The following BACH2 variants were observed in gnomAD, a reference collection of about 807,000 sequenced individuals.
The protein encoded by BACH2 is BACH transcriptional regulator 2.
Under a neutral mutation model 61.8 loss-of-function variants are expected in BACH2, and 5 were observed. That is an observed-to-expected ratio of 0.08 (90% CI 0.04 to 0.17). BACH2 has a LOEUF of 0.17. BACH2 is among the 10% of genes least tolerant of loss of function. The pLI is 1.00. For synonymous variants in BACH2, 446 were observed against 440.1 expected (o/e 1.01, Z -0.17); for missense variants, 824 against 1,091.1 (o/e 0.76, Z 3.45).
chr6:90,011,932 A>ATGTATGTG (rs1777741585), intron 5 of BACH2, among the ~76,000 whole-genome samples: 2 of 114,298 alleles, frequency 1.7e-5, no homozygotes, highest in African/African-American at 7.4e-5. Flanking sequence ...AAAAAAAAAT[A>ATGTATGTG]TGTGTGTGTG....
At chr6:90,028,627 T>A (rs1371727614) in intron 5 of BACH2, among the ~76,000 whole-genome samples, 1 of 152,134 alleles carries the variant, frequency 6.6e-6, no homozygotes, top group Non-Finnish European at 1.5e-5. Flanking sequence ...TCATCTGTAA[T>A]CCAGTGGTCA....
intron 3 of BACH2, among the ~76,000 whole-genome samples, chr6:90,248,862 T>C (rs759131618): frequency 7.4e-4 from 112 of 152,208 alleles, no homozygotes; most frequent in Non-Finnish European, 1.2e-3. Context: ...GCTTCACTAC[T>C]ACCCTGTCCC....
chr6:89,994,420 G>A (rs1039241151), intron 6 of BACH2, among the ~76,000 whole-genome samples: 3 of 152,298 alleles, frequency 2.0e-5, no homozygotes, highest in East Asian at 3.9e-4. Flanking sequence ...TTTAAATATG[G>A]GAAAAGGTCT....
chr6:90,016,723 T>C (rs1361797602), intron 5 of BACH2, among the ~76,000 whole-genome samples: 1 of 152,218 alleles, frequency 6.6e-6, no homozygotes, highest in Admixed American at 6.5e-5. Context: ...TAGTGATAAA[T>C]TATTTCAACT....
intron 4 of BACH2, among the ~76,000 whole-genome samples, chr6:90,156,180 T>C (rs1784990092): frequency 6.6e-6 from 1 of 152,052 alleles, no homozygotes; most frequent in South Asian, 2.1e-4. Flanking sequence ...CTGAGGTAGG[T>C]ATCGAGTGGT....
At chr6:90,254,935 G>T (rs1770928833) in intron 2 of BACH2, among the ~76,000 whole-genome samples, 1 of 152,124 alleles carries the variant, frequency 6.6e-6, no homozygotes, top group African/African-American at 2.4e-5. Context: ...ATCTCAGTTT[G>T]CCTCCATTAA....
At chr6:90,028,291 T>A (rs1778741288) in intron 5 of BACH2, among the ~76,000 whole-genome samples, 1 of 152,238 alleles carries the variant, frequency 6.6e-6, no homozygotes. Context: ...CTGATATAGT[T>A]CACTCTCATG....
chr6:90,011,743 A>C, intron 5 of BACH2, among the ~76,000 whole-genome samples: 1 of 152,098 alleles, frequency 6.6e-6, no homozygotes, highest in Non-Finnish European at 1.5e-5. Flanking sequence ...CAACACAGCG[A>C]AACTGCGTCT....
At chr6:90,220,725 G>T (rs1769709355) in intron 3 of BACH2, among the ~76,000 whole-genome samples, 1 of 152,220 alleles carries the variant, frequency 6.6e-6, no homozygotes, top group African/African-American at 2.4e-5. Flanking sequence ...AATGCTGTTT[G>T]AGGTCTCAAA....
chr6:90,031,975 C>T (rs1779007388), intron 5 of BACH2, among the ~76,000 whole-genome samples: 3 of 152,240 alleles, frequency 2.0e-5, no homozygotes, highest in Middle Eastern at 3.4e-3. Context: ...GCTACAGTAA[C>T]CAAAACAGCA....
rs1024455339 is a variant in BACH2 at position 89,988,446 on chromosome 6, T to C, written c.243+20156A>G. Among the ~76,000 whole-genome samples, 3 of 152,290 alleles carry C rather than the reference T, an allele frequency of 2.0e-5. No homozygotes were observed. The East Asian group carries it at 5.8e-4, about 29-fold the overall frequency. ...ATAATAACTGAGCCATCAAAAAAGT[T>C]ATAAATATTGTACACACCCTGCCAT... is the stretch of plus-strand genomic sequence containing the variant. On this transcript the variant is annotated intron_variant, in intron 6 of 8. Coordinates refer to ENST00000257749, the MANE Select transcript of BACH2 (RefSeq NM_021813.4).
At position 90,150,817 on chromosome 6, in the gene BACH2, T is replaced by C. The variant is rs184760247; in HGVS notation, c.-162+55752A>G. On this transcript the variant is annotated intron_variant, in intron 4 of 8. Transcript: ENST00000257749. ...GGCTGGGAGTAGCCCTTGGGAAGCA[T>C]AGCCTTGGTGCCAAAACAGTGGTGG... Among the ~76,000 whole-genome samples the C allele has an allele frequency of 3.6e-4, 55 of 152,180 alleles. No individual in the cohort carries two copies. In the East Asian group the frequency reaches 8.5e-3, roughly 23 times the overall value.
chr6:90,024,758 C>T (rs991857668), intron 5 of BACH2, among the ~76,000 whole-genome samples: 56 of 152,188 alleles, frequency 3.7e-4, no homozygotes, highest in Admixed American at 1.1e-3. Flanking sequence ...GAGGGGAAGA[C>T]CCATCCAATA....
intron 4 of BACH2, among the ~76,000 whole-genome samples, chr6:90,165,541 G>A (rs947741590): frequency 3.7e-4 from 56 of 152,120 alleles, no homozygotes; most frequent in African/African-American, 1.3e-3. Context: ...TTTCTTCACA[G>A]AATTGGAAAA....
chr6:90,073,945 A>C (rs552193564), intron 5 of BACH2, among the ~76,000 whole-genome samples: 1 of 152,294 alleles, frequency 6.6e-6, no homozygotes, highest in South Asian at 2.1e-4. Flanking sequence ...GAAAAAAGGG[A>C]CTTGACAAAA....
At chr6:90,272,621 T>C (rs1312624340) in intron 1 of BACH2, among the ~76,000 whole-genome samples, 3 of 152,238 alleles carry the variant, frequency 2.0e-5, no homozygotes, top group Non-Finnish European at 2.9e-5. Flanking sequence ...ATTTCTGCAA[T>C]AGCAGAATTA....
At chr6:90,184,178 T>C (rs1335267112) in intron 4 of BACH2, among the ~76,000 whole-genome samples, 1 of 152,162 alleles carries the variant, frequency 6.6e-6, no homozygotes, top group Non-Finnish European at 1.5e-5. Context: ...AATGATATCA[T>C]TTAAAAAAGT....
rs748264018 is a variant in BACH2, at chr6:89,951,302, C to G, written c.804G>C (p.Pro268=). 1 of 1,614,202 alleles carries G rather than the reference C, an allele frequency of 6.2e-7. No individual in the cohort carries two copies. ...TTTTAATCTGCCCCCTGGCAAGCCC[C>G]GGCTTGAGGCTGTTGCTAGAGTTAT... ...REDNSSNSLK[P]GLARGQIKSE... The change falls in exon 7 of 9, where the codon CCG becomes CCC. Residue 268 remains proline, a synonymous_variant. Coordinates refer to ENST00000257749, the MANE Select transcript of BACH2 (RefSeq NM_021813.4). This position sits in a 1 kb window ranked among gnomAD's most constrained non-coding sequence, Gnocchi z 6.4.
intron 5 of BACH2, among the ~76,000 whole-genome samples, chr6:90,015,381 T>C (rs978979992): frequency 1.3e-5 from 2 of 152,182 alleles, no homozygotes; most frequent in Non-Finnish European, 1.5e-5. Flanking sequence ...CCCACTAATC[T>C]GAGATCTTTT....
Sources: gnomAD v4.1 joint callset for allele counts (sites outside exome capture counted in the v4.1 genomes callset) on GRCh38, gnomAD v4.1.1 for gene constraint, Gnocchi (gnomAD v3.1) non-coding constraint, MANE v1.5 for transcripts, NCBI Gene and HGNC (gene_info 2026-07-23, HGNC 2026-07-21) for gene names.